FAM76A: variants seen among roughly 807,000 people sequenced by gnomAD.
FAM76A encodes family with sequence similarity 76 member A.
A neutral mutation model predicts 46.2 loss-of-function variants in FAM76A; 32 were observed. The ratio of observed to expected loss-of-function variants is 0.69; its 90% CI spans 0.52 to 0.93. FAM76A has a LOEUF of 0.93. Among genes scored for constraint, FAM76A ranks in the 40% least tolerant of loss-of-function variants. The pLI, the probability that FAM76A is intolerant of heterozygous loss-of-function variation, is 0.00. For missense variants in FAM76A, 274 were observed against 361.5 expected, an observed-to-expected ratio of 0.76 and a Z score of 1.96; for synonymous variants, 137 against 127.0, an observed-to-expected ratio of 1.08 and a Z score of -0.53.
At chr1:27,735,726 C>T (rs1455038385) in intron 4 of FAM76A, among the ~76,000 whole-genome samples, 1 of 152,126 alleles carries the variant, frequency 6.6e-6, no homozygotes, top group African/African-American at 2.4e-5. Flanking sequence ...GCTACTTACC[C>T]GCATTATGCA....
intron 2 of FAM76A, among the ~76,000 whole-genome samples, chr1:27,731,611 G>A (rs897863442): frequency 3.9e-5 from 6 of 152,100 alleles, no homozygotes; most frequent in Non-Finnish European, 8.8e-5. Flanking sequence ...AGCAAAGATA[G>A]AATCTCTGAG....
chr1:27,748,472 T>G (rs544187265), intron 5 of FAM76A, among the ~76,000 whole-genome samples: 121 of 140,428 alleles, frequency 8.6e-4, no homozygotes, highest in African/African-American at 3.3e-3. Flanking sequence ...TATTGAAGTT[T>G]TTTTTTTTTT....
intron 2 of FAM76A, among the ~76,000 whole-genome samples, chr1:27,727,800 A>ATTTTTTTTTTTTTTTTTTTTTTTTTT (rs10716346): frequency 1.5e-5 from 1 of 64,560 alleles, no homozygotes. Context: ...GATTGCTTAA[A>ATTTTTTTTTTTTTTTTTTTTTTTTTT]TTTTTTTTTT....
intron 2 of FAM76A, among the ~76,000 whole-genome samples, 189 bp downstream of exon 2, chr1:27,727,725 G>A: frequency 6.6e-6 from 1 of 151,394 alleles, no homozygotes; most frequent in Admixed American, 6.6e-5. Flanking sequence ...GTTAATTCAT[G>A]TGTGGGGTGA....
At chr1:27,745,399 A>G (rs1162334666) in intron 5 of FAM76A, among the ~76,000 whole-genome samples, 1 of 152,194 alleles carries the variant, frequency 6.6e-6, no homozygotes, top group Non-Finnish European at 1.5e-5. Flanking sequence ...GTACATGCAC[A>G]GTGATTGTTT....
chr1:27,737,579 C>T (rs1015705072), intron 4 of FAM76A, among the ~76,000 whole-genome samples: 10 of 151,814 alleles, frequency 6.6e-5, no homozygotes, highest in Non-Finnish European at 1.5e-4. Flanking sequence ...CGGCCGGGCA[C>T]GTTGGCTCAC....
rs994313897 is a variant in FAM76A, at chr1:27,739,297, G to A, written c.354+5114G>A. 1.1e-4 allele frequency: 60 copies of A among 525,960 alleles called. No homozygotes were observed. The Admixed American group carries it at 1.2e-3, about 10-fold the overall frequency. 32.6% of individuals were successfully genotyped at this position (525,960 alleles called of 1,614,324 possible). On this transcript the variant is annotated intron_variant, in intron 4 of 8. Transcript: ENST00000373954. ...TGCCAAGTAGAAGAAAAGCCTTATT[G>A]GAAAGATCCAAATAATGACTTCAGA...
chr1:27,732,024 G>A (rs891334600), intron 2 of FAM76A, among the ~76,000 whole-genome samples: 2 of 152,086 alleles, frequency 1.3e-5, no homozygotes, highest in Non-Finnish European at 2.9e-5. Context: ...GTTTCACCAT[G>A]TTGGCTGGGC....
chr1:27,737,895 G>GA (rs1211703379), intron 4 of FAM76A, among the ~76,000 whole-genome samples: 9 of 109,232 alleles, frequency 8.2e-5, no homozygotes, highest in East Asian at 2.6e-4. Flanking sequence ...AAAAAAAACA[G>GA]AAAAAAAAAA....
rs1043044863 is a variant in FAM76A at position 27,762,803 on chromosome 1, A to G, written c.*2222A>G. ...TTAAGGACTGAAATTCTGTTACATG[A>G]TGTATGACAATATAAAAACATACTT... On this transcript the variant is annotated 3_prime_UTR_variant, in exon 9 of 9. Coordinates refer to ENST00000373954, the MANE Select transcript of FAM76A (RefSeq NM_152660.3). The G allele has an allele frequency of 5.3e-5, 8 of 152,146 alleles. No individual in the cohort carries two copies. Among genetic ancestry groups the G allele is most frequent in the Non-Finnish European group, 1.5e-5 (1 of 68,038 alleles). 9.4% of individuals were successfully genotyped at this position (152,146 alleles called of 1,614,324 possible). A position where few individuals can be genotyped will look rare whatever the true frequency, so the allele number is the denominator to read the frequency against.
intron 6 of FAM76A, among the ~76,000 whole-genome samples, chr1:27,753,071 A>T (rs1289433697): frequency 6.6e-6 from 1 of 152,190 alleles, no homozygotes; most frequent in Non-Finnish European, 1.5e-5. Context: ...AAGGCGGGAG[A>T]ATCACTTGAA....
chr1:27,745,849 G>A (rs905573848), intron 5 of FAM76A, among the ~76,000 whole-genome samples: 6 of 152,200 alleles, frequency 3.9e-5, no homozygotes, highest in African/African-American at 1.2e-4. Context: ...TGGAACCCTG[G>A]AAAATTGTAA....
intron 2 of FAM76A, among the ~76,000 whole-genome samples, chr1:27,731,298 G>C (rs2087953724): frequency 6.7e-6 from 1 of 149,242 alleles, no homozygotes; most frequent in Non-Finnish European, 1.5e-5. Context: ...CCATCTCCCA[G>C]GTTCAAGCGA....
chr1:27,753,916 A>C lies in FAM76A; in HGVS notation c.600-1279A>C, dbSNP rs144919164. On this transcript the variant is annotated intron_variant, in intron 6 of 8. Transcript: ENST00000373954. ...GGAAAAGTAAAGAGCGTTCTTTGAG[A>C]ACTCTCTAGAGAACAGGATTTGACC... is the stretch of plus-strand genomic sequence containing the variant. Among the ~76,000 whole-genome samples, 331 of 152,236 alleles carry C rather than the reference A, an allele frequency of 2.2e-3. 12 individuals carry two copies. The East Asian group carries it at 0.048, about 22-fold the overall frequency.
rs1436766835 is a variant in FAM76A, at chr1:27,760,026, A to G, written c.837+399A>G. 3.5e-5 allele frequency: 16 copies of G among 457,276 alleles called. 1 individual carries two copies. Among genetic ancestry groups the G allele is most frequent in the South Asian group, 1.9e-4 (12 of 64,446 alleles). 28.3% of individuals were successfully genotyped at this position (457,276 alleles called of 1,614,324 possible). On this transcript the variant is annotated intron_variant, in intron 8 of 8. Transcript: ENST00000373954. ...GGCTTCAAGCAATCCTCCCACCTCA[A>G]CCTCACAAAGTGCTAGGATTACAGG...
Position 27,749,097 on chromosome 1 carries a change from A to G in FAM76A, c.542A>G (p.Gln181Arg). ...SQKTLSTSSI[Q>R]NEIPKKKSKF... Reference sequence around the variant, plus strand: ...AAAACACTTTCTACATCTTCAATTCAAAATGAAATCCCAAAGAAAAAGTCC... The same window carrying G: ...AAAACACTTTCTACATCTTCAATTCGAAATGAAATCCCAAAGAAAAAGTCC... Residue 181 changes from glutamine to arginine, a missense_variant, in exon 6 of 9, where the codon CAA (glutamine) becomes CGA (arginine). Physicochemically the swap from Gln to Arg is conservative, Grantham distance 43. Coordinates refer to ENST00000373954, the MANE Select transcript of FAM76A (RefSeq NM_152660.3). 6.2e-7 allele frequency: 1 copy of G among 1,606,108 alleles called. No homozygotes were observed. The highest frequency in any genetic ancestry group is 8.5e-7 in the Non-Finnish European group (1 of 1,178,248).
chr1:27,731,469 G>A (rs1235029353), intron 2 of FAM76A, among the ~76,000 whole-genome samples: 1 of 152,034 alleles, frequency 6.6e-6, no homozygotes, highest in Non-Finnish European at 1.5e-5. Context: ...GCCTCCCAAA[G>A]TGCTGGGATT....
chr1:27,742,753 CA>C (rs771380811), intron 4 of FAM76A, among the ~76,000 whole-genome samples: 2 of 151,976 alleles, frequency 1.3e-5, no homozygotes, highest in Admixed American at 6.6e-5. Flanking sequence ...GTTCTCACCA[CA>C]AAAAAACAAA....
Position 27,726,001 on chromosome 1 carries a change from C to G in FAM76A, c.-80C>G. On this transcript the variant is annotated 5_prime_UTR_variant, in exon 1 of 9. Coordinates refer to ENST00000373954, the MANE Select transcript of FAM76A (RefSeq NM_152660.3). ...CCTGCCGCAGCCAGCAGCCTGCAGC[C>G]GCCGCCGGGTTGTGCCTCAGACTGT... The G allele has an allele frequency of 3.5e-6, 4 of 1,143,262 alleles. No homozygotes were observed. Among genetic ancestry groups the G allele is most frequent in the Non-Finnish European group, 4.4e-6 (4 of 910,568 alleles). 70.8% of individuals were successfully genotyped at this position (1,143,262 alleles called of 1,614,324 possible). A position where few individuals can be genotyped will look rare whatever the true frequency, so the allele number is the denominator to read the frequency against.
Sources: gnomAD v4.1 joint callset for allele counts (sites outside exome capture counted in the v4.1 genomes callset) on GRCh38, gnomAD v4.1.1 for gene constraint, MANE v1.5 for transcripts, NCBI Gene and HGNC (gene_info 2026-07-23, HGNC 2026-07-21) for gene names.